The following ADGRB3 variants were observed in gnomAD, a reference collection of about 807,000 sequenced individuals.
ADGRB3 encodes adhesion G protein-coupled receptor B3, also known as brain-specific angiogenesis inhibitor 3.
Under a neutral mutation model 193.4 loss-of-function variants are expected in ADGRB3, and 37 were observed. The ratio of observed to expected loss-of-function variants is 0.19; its 90% CI spans 0.15 to 0.25. The LOEUF is 0.25. ADGRB3 is among the 10% of genes least tolerant of loss of function. ADGRB3 has a pLI of 1.00. For missense variants in ADGRB3, 1,637 were observed against 1,852.9 expected (o/e 0.88, Z 2.14); for synonymous variants, 690 against 644.2 (o/e 1.07, Z -1.08).
At position 69,074,113 on chromosome 6, in the gene ADGRB3, G is replaced by A. The variant is rs185711443; in HGVS notation, c.2437-1882G>A. ...ATTTTTTACTAAATAAATTTTAAAG[G>A]AAGAATGGGAAACAAAAACAAATGC... On this transcript the variant is annotated intron_variant, in intron 16 of 31. Transcript: ENST00000370598. Among the ~76,000 whole-genome samples the A allele has an allele frequency of 4.6e-5, 7 of 151,162 alleles. No homozygotes were observed. In the East Asian group the frequency reaches 1.4e-3, roughly 30 times the overall value.
At chr6:69,176,365 A>C (rs1365133520) in intron 17 of ADGRB3, among the ~76,000 whole-genome samples, 1 of 152,220 alleles carries the variant, frequency 6.6e-6, no homozygotes, top group Non-Finnish European at 1.5e-5. Context: ...AGATTTTATC[A>C]AGAGCTTTCC....
At chr6:68,640,193 A>T (rs1768052613) in intron 3 of ADGRB3, among the ~76,000 whole-genome samples, 1 of 152,080 alleles carries the variant, frequency 6.6e-6, no homozygotes, top group African/African-American at 2.4e-5. Flanking sequence ...CCTCCTCTTG[A>T]GAGTGAATTT....
At chr6:69,035,253 A>AT (rs1350632015) in intron 13 of ADGRB3, among the ~76,000 whole-genome samples, 1 of 152,074 alleles carries the variant, frequency 6.6e-6, no homozygotes, top group Non-Finnish European at 1.5e-5. Context: ...GGTGTCTTCT[A>AT]TTGCTGCTAT....
chr6:69,075,988 T>A lies in ADGRB3; in HGVS notation c.2437-7T>A, dbSNP rs1367171114. 2 of 1,610,584 alleles carry A rather than the reference T, an allele frequency of 1.2e-6. No individual in the cohort carries two copies. Among genetic ancestry groups the A allele is most frequent in the African/African-American group, 1.3e-5 (1 of 74,828 alleles). ...ATATATGCATTCTTTCTCTGCTTTT[T>A]TTTTAGGGTACTTTGAATCCCTATT... On this transcript the variant is annotated splice_polypyrimidine_tract_variant and splice_region_variant and intron_variant, in intron 16 of 31. Coordinates refer to ENST00000370598, the MANE Select transcript of ADGRB3 (RefSeq NM_001704.3).
chr6:69,232,336 A>T, intron 17 of ADGRB3: 1 of 1,199,088 alleles, frequency 8.3e-7, no homozygotes, highest in Non-Finnish European at 1.1e-6. Context: ...GTTCTCCCCC[A>T]TCCCCCCCAC....
At chr6:69,206,273 GC>G (rs1554169672) in intron 17 of ADGRB3, among the ~76,000 whole-genome samples, 1 of 151,604 alleles carries the variant, frequency 6.6e-6, no homozygotes, top group Non-Finnish European at 1.5e-5. Flanking sequence ...TCATTTTTCT[GC>G]CTGCTTATAT....
intron 3 of ADGRB3, among the ~76,000 whole-genome samples, chr6:68,757,441 C>T (rs1766317502): frequency 6.6e-6 from 1 of 152,090 alleles, no homozygotes; most frequent in Admixed American, 6.6e-5. Context: ...TTTTCACAAC[C>T]TTATTTGTCT....
chr6:69,013,883 G>A (rs1770013641), intron 11 of ADGRB3, among the ~76,000 whole-genome samples, 155 bp from the exon 12 acceptor site: 1 of 152,042 alleles, frequency 6.6e-6, no homozygotes, highest in Non-Finnish European at 1.5e-5. Context: ...TTCTGTAAAA[G>A]GATCCTCAGT....
At chr6:69,134,208 C>T (rs1197845518) in intron 17 of ADGRB3, among the ~76,000 whole-genome samples, 1 of 152,074 alleles carries the variant, frequency 6.6e-6, no homozygotes, top group Non-Finnish European at 1.5e-5. Flanking sequence ...CTCTACAAAC[C>T]ATCCACTCCA....
At chr6:69,043,292 G>GAAAGAAAGAA (rs978096431) in intron 13 of ADGRB3, among the ~76,000 whole-genome samples, 1 of 17,202 alleles carries the variant, frequency 5.8e-5, no homozygotes, top group Admixed American at 5.5e-4. Flanking sequence ...AAGAAAGAGA[G>GAAAGAAAGAA]AAAGAAAGAA....
intron 3 of ADGRB3, among the ~76,000 whole-genome samples, chr6:68,827,059 A>G (rs190539774): frequency 6.8e-4 from 104 of 152,270 alleles, no homozygotes; most frequent in African/African-American, 2.4e-3. Context: ...GACACCTGAC[A>G]AGCTCCCCAA....
At chr6:69,028,907 T>C (rs1770523903) in intron 13 of ADGRB3, among the ~76,000 whole-genome samples, 1 of 152,214 alleles carries the variant, frequency 6.6e-6, no homozygotes, top group Non-Finnish European at 1.5e-5. Context: ...CATTAATATT[T>C]CATAGCATGC....
chr6:68,968,537 A>G (rs1340413984), intron 8 of ADGRB3, among the ~76,000 whole-genome samples: 1 of 152,222 alleles, frequency 6.6e-6, no homozygotes, highest in African/African-American at 2.4e-5. Flanking sequence ...AGCATTGAAA[A>G]CCAAAAAGAT....
At chr6:68,704,231 A>T (rs1390352211) in intron 3 of ADGRB3, among the ~76,000 whole-genome samples, 1 of 152,200 alleles carries the variant, frequency 6.6e-6, no homozygotes, top group African/African-American at 2.4e-5. Flanking sequence ...TGAAGCATCT[A>T]GGCTTATTAA....
At chr6:69,376,675 A>G (rs1769831006) in intron 30 of ADGRB3, among the ~76,000 whole-genome samples, 1 of 152,082 alleles carries the variant, frequency 6.6e-6, no homozygotes. Flanking sequence ...AGTATATTTC[A>G]ATTTCTAAGT....
intron 20 of ADGRB3, among the ~76,000 whole-genome samples, chr6:69,249,832 T>A (rs1766584168): frequency 6.6e-6 from 1 of 152,216 alleles, no homozygotes; most frequent in Admixed American, 6.5e-5. Flanking sequence ...TAATTTTAAA[T>A]CTTAAGCCTT....
intron 3 of ADGRB3, among the ~76,000 whole-genome samples, chr6:68,711,783 T>A (rs1765413152): frequency 6.6e-6 from 1 of 152,086 alleles, no homozygotes; most frequent in Non-Finnish European, 1.5e-5. Flanking sequence ...CAATCATCAC[T>A]CAGTTTATAT....
At chr6:69,100,837 G>GGAGGGAGT (rs1773013767) in intron 17 of ADGRB3, among the ~76,000 whole-genome samples, 1 of 116,844 alleles carries the variant, frequency 8.6e-6, no homozygotes, top group Non-Finnish European at 1.8e-5. Context: ...AAGGAAGGAA[G>GGAGGGAGT]GAAGGAGGGA....
intron 3 of ADGRB3, among the ~76,000 whole-genome samples, chr6:68,776,116 A>G (rs1372750510): frequency 6.6e-6 from 1 of 152,130 alleles, no homozygotes; most frequent in Non-Finnish European, 1.5e-5. Context: ...CTGTTTCTGC[A>G]ACAGCTTCTG....
Sources: allele counts gnomAD v4.1 joint callset (sites outside exome capture counted in the v4.1 genomes callset), GRCh38; gene constraint gnomAD v4.1.1; transcripts MANE v1.5; gene names NCBI Gene and HGNC (gene_info 2026-07-23, HGNC 2026-07-21).